The following GRB10 variants were observed in gnomAD, a reference collection of about 807,000 sequenced individuals.
GRB10 encodes growth factor receptor-bound protein 10.
In GRB10, 20 loss-of-function variants were observed where a neutral mutation model predicts 80.9. The ratio of observed to expected loss-of-function variants is 0.25; its 90% confidence interval spans 0.17 to 0.36. GRB10 has a LOEUF of 0.36. Among genes scored for constraint, GRB10 ranks in the 10% least tolerant of loss-of-function variants. The pLI is 1.00. For synonymous variants in GRB10, 291 were observed against 291.5 expected (o/e 1.00, Z 0.02); for missense variants, 548 against 747.7 (o/e 0.73, Z 3.12).
At chr7:50,769,143 C>T (rs1440308552) in intron 2 of GRB10, among the ~76,000 whole-genome samples, 1 of 152,252 alleles carries the variant, frequency 6.6e-6, no homozygotes, top group Non-Finnish European at 1.5e-5. Flanking sequence ...CTAATTCAAA[C>T]TTCCTTCACT....
chr7:50,777,009 T>C (rs1490409216), intron 2 of GRB10, among the ~76,000 whole-genome samples: 1 of 146,248 alleles, frequency 6.8e-6, no homozygotes, highest in Non-Finnish European at 1.5e-5. Context: ...CTTTTAAGTA[T>C]TTGCTATAAC....
chr7:50,723,506 G>T (rs2068080456), intron 4 of GRB10, among the ~76,000 whole-genome samples: 1 of 152,198 alleles, frequency 6.6e-6, no homozygotes, highest in Non-Finnish European at 1.5e-5. Flanking sequence ...GAACCCCTCA[G>T]CCAGTACCCC....
intron 5 of GRB10, among the ~76,000 whole-genome samples, chr7:50,681,778 C>T (rs914023688): frequency 1.3e-5 from 2 of 152,066 alleles, no homozygotes; most frequent in African/African-American, 4.8e-5. Context: ...GCATTTTTCA[C>T]GTTTCACGGG....
At chr7:50,605,053 C>T in intron 15 of GRB10, 1 of 563,404 alleles carries the variant, frequency 1.8e-6, no homozygotes, top group Non-Finnish European at 3.2e-6. Context: ...AACTCTGTTC[C>T]TCTCCTGTCC....
At chr7:50,593,794 C>T (rs2046159843) in intron 18 of GRB10, among the ~76,000 whole-genome samples, 1 of 152,126 alleles carries the variant, frequency 6.6e-6, no homozygotes, top group South Asian at 2.1e-4. Flanking sequence ...TAAGGCTTGG[C>T]TAATTAATGA....
intron 5 of GRB10, among the ~76,000 whole-genome samples, chr7:50,678,738 G>A (rs2529408): frequency 0.57 from 86,035 of 151,984 alleles, 24,818 homozygotes; most frequent in African/African-American, 0.66. Flanking sequence ...TCCCTATGGC[G>A]TTTATTCTGT....
rs1435142508 is a variant in GRB10 at position 50,782,089 on chromosome 7, G to A, written c.-327+335C>T. Among the ~76,000 whole-genome samples the A allele has an allele frequency of 6.6e-6, 1 of 152,238 alleles. No homozygotes were observed. The highest frequency in any genetic ancestry group is 6.5e-5 in the Admixed American group (1 of 15,286). On this transcript the variant is annotated intron_variant, in intron 1 of 18. Coordinates refer to ENST00000401949, the MANE Select transcript of GRB10 (RefSeq NM_001350814.2). The surrounding 1 kb of genome is among the most constrained non-coding windows in gnomAD (Gnocchi z 6.6). ...ACACCCGCTGCCCACCACCTGGCGA[G>A]GAAGGAGCGGGCGAGGTTCGCTCGA...
At chr7:50,626,281 C>T (rs561038416) in intron 8 of GRB10, among the ~76,000 whole-genome samples, 1 of 152,344 alleles carries the variant, frequency 6.6e-6, no homozygotes, top group South Asian at 2.1e-4. Context: ...CCTTATTAAC[C>T]AGCAGGCAGA....
At chr7:50,781,482 C>G (rs988787834) in intron 1 of GRB10, 11 of 152,296 alleles carry the variant, frequency 7.2e-5, no homozygotes, top group Admixed American at 2.0e-4. Context: ...GAGGCCCTGG[C>G]CGCCAGCACG....
In GRB10 at chr7:50,674,528, A is replaced by G. The variant is rs746484934; in HGVS notation, c.270T>C (p.Pro90=). The change falls in exon 6 of 19, where the codon CCT becomes CCC. Residue 90 remains proline (P), a synonymous_variant. Coordinates refer to ENST00000401949, the MANE Select transcript of GRB10 (RefSeq NM_001350814.2). The part of the protein sequence containing the change: ...LQNGQHARSQ[P]RASGPPRSIQ... ...TGGACCGAGGAGGGCCTGAAGCCCG[A>G]GGCTGGCTGCGGGCATGCTGGCCAT... The G allele has an allele frequency of 4.3e-6, 7 of 1,611,126 alleles. No individual in the cohort carries two copies. Among genetic ancestry groups the G allele is most frequent in the South Asian group, 1.1e-5 (1 of 91,080 alleles).
intron 3 of GRB10, among the ~76,000 whole-genome samples, chr7:50,754,942 A>C (rs1262001971): frequency 6.6e-6 from 1 of 152,222 alleles, no homozygotes; most frequent in Non-Finnish European, 1.5e-5. Context: ...GAGGAGATTA[A>C]AACACAGGCA....
In GRB10 at chr7:50,654,533, T is replaced by C. The variant is rs1299451259; in HGVS notation, c.504+15189A>G. 2.0e-5 allele frequency among the ~76,000 whole-genome samples: 3 copies of C among 152,226 alleles called. No individual in the cohort carries two copies. The East Asian group carries it at 5.8e-4, about 29-fold the overall frequency. ...GGTTTCTCCTCTAGAAAGAGCTCACTGCAGCATCAGTGCATGTTAAGAGGC... is the reference window on the plus strand; with the variant it reads ...GGTTTCTCCTCTAGAAAGAGCTCACCGCAGCATCAGTGCATGTTAAGAGGC... On this transcript the variant is annotated intron_variant, in intron 7 of 18. Transcript: ENST00000401949.
chr7:50,771,430 C>A (rs925324466), intron 2 of GRB10, among the ~76,000 whole-genome samples: 1 of 152,166 alleles, frequency 6.6e-6, no homozygotes, highest in Non-Finnish European at 1.5e-5. Flanking sequence ...AATGTTCCTC[C>A]CCTGCCTCCT....
intron 5 of GRB10, among the ~76,000 whole-genome samples, chr7:50,690,529 G>A (rs545772298): frequency 6.6e-6 from 1 of 152,276 alleles, no homozygotes; most frequent in Admixed American, 6.5e-5. Context: ...AAAAGGATTT[G>A]CACTTCCTTG....
At chr7:50,681,441 A>G (rs2061535276) in intron 5 of GRB10, among the ~76,000 whole-genome samples, 1 of 152,186 alleles carries the variant, frequency 6.6e-6, no homozygotes, top group South Asian at 2.1e-4. Context: ...ATGCCGCCCG[A>G]CCTTAAGGCT....
chr7:50,754,648 A>G (rs2074763723), intron 3 of GRB10, among the ~76,000 whole-genome samples: 1 of 152,240 alleles, frequency 6.6e-6, no homozygotes, highest in Admixed American at 6.5e-5. Context: ...CATCTAACAC[A>G]AAGCTAACAT....
chr7:50,703,852 G>A lies in GRB10; in HGVS notation c.108C>T (p.Pro36=), dbSNP rs369469837. Residue 36 remains proline, a synonymous_variant, in exon 5 of 19, where the codon CCC becomes CCT. Coordinates refer to ENST00000401949, the MANE Select transcript of GRB10 (RefSeq NM_001350814.2). ...GATTCGCAAGTCGGTCAGACTGTGC[G>A]GGGAGTCCTGGTCCTGCCGGGTCTT... is the stretch of plus-strand genomic sequence containing the variant. ...SQQDPAGPGL[P]AQSDRLANHQ... 2.0e-5 allele frequency: 33 copies of A among 1,613,346 alleles called. No individual in the cohort carries two copies. Among genetic ancestry groups the A allele is most frequent in the African/African-American group, 2.7e-5 (2 of 75,010 alleles).
At chr7:50,736,530 C>T (rs184070795) in intron 3 of GRB10, among the ~76,000 whole-genome samples, 114 of 152,272 alleles carry the variant, frequency 7.5e-4, no homozygotes, top group African/African-American at 2.6e-3. Context: ...TGGTGGCTCA[C>T]GCCTGTAATC....
chr7:50,641,279 T>G (rs2282924), intron 7 of GRB10, among the ~76,000 whole-genome samples: 133,335 of 150,364 alleles, frequency 0.89, 59,404 homozygotes, highest in African/African-American at 0.96. Flanking sequence ...TCAAAAAAGG[T>G]GGGGGGGTAG....
Sources: allele counts gnomAD v4.1 joint callset (sites outside exome capture counted in the v4.1 genomes callset), GRCh38; gene constraint gnomAD v4.1.1; non-coding constraint Gnocchi (gnomAD v3.1); transcripts MANE v1.5; gene names NCBI Gene and HGNC (gene_info 2026-07-23, HGNC 2026-07-21).